Variants in GCC2 observed in about 807,000 individuals in gnomAD.
GCC2 encodes the protein GRIP and coiled-coil domain containing 2, also known as GRIP and coiled-coil domain-containing protein 2.
GCC2 carries 120 observed loss-of-function variants against 210.6 expected under a neutral mutation model. The ratio of observed to expected loss-of-function variants is 0.57; its 90% CI spans 0.49 to 0.66. The LOEUF (loss-of-function observed/expected upper bound fraction) is 0.66. Ranked by LOEUF, GCC2 falls within the 30% of genes least tolerant of loss-of-function variation. GCC2 has a pLI of 0.00. For missense variants in GCC2, 1,868 were observed against 1,871.9 expected (o/e 1.00, Z 0.04); for synonymous variants, 703 against 652.7 (o/e 1.08, Z -1.17).
intron 22 of GCC2, among the ~76,000 whole-genome samples, chr2:108,503,857 C>T (rs1329968780): frequency 6.6e-6 from 1 of 152,052 alleles, no homozygotes; most frequent in Non-Finnish European, 1.5e-5. Context: ...ACCTGTAAGC[C>T]CAACAGTTTG....
intron 18 of GCC2, chr2:108,490,234 A>G: frequency 2.8e-6 from 1 of 359,114 alleles, no homozygotes; most frequent in Non-Finnish European, 5.0e-6. Context: ...CTGCTCATCC[A>G]GTATTCTGTG....
chr2:108,451,157 G>A (rs750080846), intron 3 of GCC2, 45 bp downstream of exon 3: 4 of 1,215,088 alleles, frequency 3.3e-6, no homozygotes, highest in Non-Finnish European at 4.8e-6. Flanking sequence ...CTCTTTAATC[G>A]TGGTTTAAAA....
intron 4 of GCC2, among the ~76,000 whole-genome samples, chr2:108,462,895 TTA>T (rs1298129041): frequency 9.7e-4 from 2 of 2,068 alleles, no homozygotes; most frequent in Non-Finnish European, 1.6e-3. Context: ...TCTTTTACCC[TTA>T]TTTTTTTTTT....
intron 2 of GCC2, 22 bp downstream of exon 2, chr2:108,449,711 CGG>C: frequency 1.2e-6 from 2 of 1,601,066 alleles, no homozygotes; most frequent in South Asian, 2.2e-5. Context: ...ACTTGAATAG[CGG>C]GCTTCCTGAA....
intron 4 of GCC2, among the ~76,000 whole-genome samples, chr2:108,457,266 C>T (rs1055037477): frequency 6.6e-6 from 1 of 152,090 alleles, no homozygotes; most frequent in Non-Finnish European, 1.5e-5. Flanking sequence ...AGTGTGTGTT[C>T]TTAATGGCAT....
In GCC2 at chr2:108,470,454, G is replaced by A; in HGVS notation, c.1125G>A (p.Glu375=). The A allele has an allele frequency of 1.2e-6, 2 of 1,607,890 alleles. No homozygotes were observed. Among genetic ancestry groups the A allele is most frequent in the Non-Finnish European group, 1.7e-6 (2 of 1,174,784 alleles). The part of the protein sequence containing the change: ...LEMDAQHIKD[E]FFHEREDLEF... The stretch of plus-strand genomic sequence containing the variant: ...TGGATGCTCAACATATAAAGGATGA[G>A]TTTTTTCATGAACGGGAAGACTTAG... The change falls in exon 6 of 23, where the codon GAG becomes GAA. Residue 375 remains glutamate (E), a synonymous_variant. Coordinates refer to ENST00000309863, the MANE Select transcript of GCC2 (RefSeq NM_181453.4).
chr2:108,477,277 G>C (rs996502544), intron 9 of GCC2, among the ~76,000 whole-genome samples: 5 of 152,180 alleles, frequency 3.3e-5, no homozygotes, highest in Non-Finnish European at 7.3e-5. Context: ...TAGGAGAAGA[G>C]ATAGATACTT....
intron 22 of GCC2, 36 bp from the exon 23 acceptor site, chr2:108,507,524 T>G: frequency 6.9e-7 from 1 of 1,440,908 alleles, no homozygotes; most frequent in South Asian, 1.2e-5. Context: ...CTTTTTTCTT[T>G]TATTTTTCTT....
chr2:108,471,616 C>A lies in GCC2; in HGVS notation c.2287C>A (p.Leu763Ile), dbSNP rs1681224247. The A allele has an allele frequency of 4.3e-6, 7 of 1,613,510 alleles. No homozygotes were observed. Among genetic ancestry groups the A allele is most frequent in the Non-Finnish European group, 5.9e-6 (7 of 1,179,648 alleles). The part of the protein sequence containing the change: ...LFVKTQLYGF[L>I]KEMGSEVSED... ...TGTTAAAACTCAGTTGTATGGTTTTCTTAAAGAAATGGGATCAGAAGTTTC... is the reference window on the plus strand; with the variant it reads ...TGTTAAAACTCAGTTGTATGGTTTTATTAAAGAAATGGGATCAGAAGTTTC... The change falls in exon 6 of 23, where the codon CTT (leucine) becomes ATT (isoleucine). Residue 763 changes from leucine to isoleucine, a missense_variant. By Grantham distance (5) the Leu-to-Ile change is conservative. This residue lies in a region of GCC2 where 1,847 missense variants were observed against 1,765.2 expected (regional missense o/e 1.05). Coordinates refer to ENST00000309863, the MANE Select transcript of GCC2 (RefSeq NM_181453.4).
intron 20 of GCC2, chr2:108,496,271 G>C (rs1342683376): frequency 6.6e-6 from 1 of 151,830 alleles, no homozygotes; most frequent in South Asian, 2.1e-4. Context: ...GTGATGTTTT[G>C]GTATATTTTA....
At chr2:108,449,772 G>A in intron 2 of GCC2, 83 bp downstream of exon 2, 2 of 886,918 alleles carry the variant, frequency 2.3e-6, no homozygotes, top group East Asian at 2.5e-5. Context: ...GAAGGGGGGG[G>A]CGCTGATTTT....
rs570742363 is a variant in GCC2 at position 108,475,902 on chromosome 2, C to T, written c.3060+52C>T. 1.9e-5 allele frequency: 18 copies of T among 932,264 alleles called. No individual in the cohort carries two copies. The South Asian group carries it at 2.6e-4, about 13-fold the overall frequency. 57.7% of individuals were successfully genotyped at this position (932,264 alleles called of 1,614,324 possible). On this transcript the variant is annotated intron_variant, in intron 9 of 22. Transcript: ENST00000309863. ...GTTATAAAAGTTGTAATAATAACTT[C>T]TAAGTTAAGAAATGTAGTGGAAATG...
chr2:108,452,276 T>C, intron 3 of GCC2, 123 bp from the exon 4 acceptor site: 1 of 691,620 alleles, frequency 1.4e-6, no homozygotes. Context: ...AATCATACTA[T>C]TCTGCTTAAA....
chr2:108,482,139 GAT>G lies in GCC2; in HGVS notation c.3181-147_3181-146del, dbSNP rs1681892904. 7.0e-6 allele frequency: 4 copies of G among 572,406 alleles called. No homozygotes were observed. In the East Asian group the frequency reaches 1.2e-4, roughly 17 times the overall value. The allele number at this position is 572,406 out of a possible 1,614,324, so 35.5% of individuals were successfully genotyped here. On this transcript the variant is annotated intron_variant, in intron 10 of 22. Coordinates refer to ENST00000309863, the MANE Select transcript of GCC2 (RefSeq NM_181453.4). Reference sequence around the variant, plus strand: ...TATTTCAATGACAGATTTTAAAACTGATTCTTAATATTATCGTTCTGTAGCAT... The same window carrying G: ...TATTTCAATGACAGATTTTAAAACTGTCTTAATATTATCGTTCTGTAGCAT...
intron 4 of GCC2, among the ~76,000 whole-genome samples, chr2:108,465,994 G>A (rs1300245385): frequency 6.6e-6 from 1 of 152,156 alleles, no homozygotes; most frequent in Non-Finnish European, 1.5e-5. Context: ...TGGGATTAAG[G>A]TGGTATCTCA....
intron 2 of GCC2, among the ~76,000 whole-genome samples, chr2:108,450,221 C>T (rs1177353848): frequency 1.3e-5 from 2 of 152,218 alleles, no homozygotes; most frequent in African/African-American, 2.4e-5. Flanking sequence ...ACTGTTGTTA[C>T]CCTCCTTTTA....
intron 4 of GCC2, among the ~76,000 whole-genome samples, chr2:108,460,099 T>TGC (rs1680487112): frequency 6.6e-6 from 1 of 152,088 alleles, no homozygotes; most frequent in Non-Finnish European, 1.5e-5. Flanking sequence ...GATCCACCCA[T>TGC]CTCAGCTTTC....
intron 20 of GCC2, chr2:108,495,704 T>G (rs1682618703): frequency 3.2e-6 from 1 of 311,060 alleles, no homozygotes; most frequent in Non-Finnish European, 6.1e-6. Context: ...AAGTATTACC[T>G]TACACGATCA....
Position 108,449,640 on chromosome 2 carries a change from T to G in GCC2, c.14T>G (p.Val5Gly). 1 of 1,613,792 alleles carries G rather than the reference T, an allele frequency of 6.2e-7. No homozygotes were observed. Among genetic ancestry groups the G allele is most frequent in the Non-Finnish European group, 8.5e-7 (1 of 1,179,706 alleles). Residue 5 changes from valine (V) to glycine (G), a missense_variant, in exon 2 of 23, where the codon GTT becomes GGT. Physicochemically the swap from Val to Gly is moderately radical, Grantham distance 109. Coordinates refer to ENST00000309863, the MANE Select transcript of GCC2 (RefSeq NM_181453.4). The stretch of plus-strand genomic sequence containing the variant: ...TTTGATTTTGTTTTGCAGGATCTTG[T>G]TCAAGATGGGGTGGCTTCACCAGCT... MEDL[V>G]QDGVASPATP... is the part of the protein sequence containing the mutation.
Sources: gnomAD v4.1 joint callset for allele counts (sites outside exome capture counted in the v4.1 genomes callset) on GRCh38, gnomAD v4.1.1 for gene constraint, gnomAD v4.1.1 regional missense constraint, MANE v1.5 for transcripts, NCBI Gene and HGNC (gene_info 2026-07-23, HGNC 2026-07-21) for gene names.